RPTOR: variants seen among roughly 807,000 people sequenced by gnomAD.
RPTOR encodes regulatory-associated protein of mTOR.
Under a neutral mutation model 169.9 loss-of-function variants are expected in RPTOR, and 21 were observed. The ratio of observed to expected loss-of-function variants is 0.12; its 90% confidence interval spans 0.09 to 0.18. The LOEUF (loss-of-function observed/expected upper bound fraction) is 0.18. Among genes scored for constraint, RPTOR ranks in the 10% least tolerant of loss-of-function variants. The probability of loss-of-function intolerance (pLI) is 1.00; values close to 1 mark genes in which losing one functional copy is unlikely to be tolerated. For synonymous variants in RPTOR, 732 were observed against 753.2 expected, an observed-to-expected ratio of 0.97 and a Z score of 0.46; for missense variants, 1,133 against 1,855.9, an observed-to-expected ratio of 0.61 and a Z score of 7.16.
At chr17:80,775,316 G>C (rs917359216) in intron 6 of RPTOR, among the ~76,000 whole-genome samples, 1 of 151,710 alleles carries the variant, frequency 6.6e-6, no homozygotes, top group Non-Finnish European at 1.5e-5. Context: ...TTGTTATGTT[G>C]CCCAGGATAG....
intron 21 of RPTOR, among the ~76,000 whole-genome samples, chr17:80,919,710 C>G (rs1197220128): frequency 1.3e-5 from 2 of 152,208 alleles, no homozygotes; most frequent in Non-Finnish European, 2.9e-5. Context: ...TGCGCACTGG[C>G]CCAAGAGAGT....
intron 20 of RPTOR, among the ~76,000 whole-genome samples, chr17:80,907,540 G>A (rs537605677): frequency 1.3e-5 from 2 of 152,344 alleles, no homozygotes; most frequent in African/African-American, 4.8e-5. Flanking sequence ...TGGGTCCAGC[G>A]TGGCGTGGAC....
chr17:80,789,335 G>A (rs541302156), intron 6 of RPTOR, among the ~76,000 whole-genome samples: 53 of 152,254 alleles, frequency 3.5e-4, no homozygotes, highest in African/African-American at 1.3e-3. Flanking sequence ...ATAGGACTAG[G>A]CTCTTTTGGC....
intron 3 of RPTOR, 63 bp downstream of exon 3, chr17:80,643,873 CCA>C: frequency 7.7e-7 from 1 of 1,293,970 alleles, no homozygotes; most frequent in Non-Finnish European, 1.1e-6. Flanking sequence ...TCCTTGGTTT[CCA>C]ACACTCTTTG....
At chr17:80,666,677 G>C (rs2065782294) in intron 3 of RPTOR, among the ~76,000 whole-genome samples, 1 of 152,142 alleles carries the variant, frequency 6.6e-6, no homozygotes, top group African/African-American at 2.4e-5. Context: ...AATGTTTATT[G>C]GGATTCCACT....
intron 1 of RPTOR, among the ~76,000 whole-genome samples, chr17:80,611,827 G>GT (rs982648936): frequency 5.3e-5 from 8 of 151,436 alleles, no homozygotes; most frequent in Non-Finnish European, 1.2e-4. Context: ...AAATGCAGAG[G>GT]TTTTTCCCCC....
At chr17:80,725,735 C>T (rs2143179281) in intron 4 of RPTOR, among the ~76,000 whole-genome samples, 1 of 152,316 alleles carries the variant, frequency 6.6e-6, no homozygotes, top group Admixed American at 6.5e-5. Flanking sequence ...GAAATGAGGT[C>T]TGCATCCCGT....
At position 80,857,888 on chromosome 17, in the gene RPTOR, C is replaced by T. The variant is rs145992260; in HGVS notation, c.1497C>T (p.Leu499=). ...PLLVFIWAKI[L]AVDSSCQADL... ...TCGTTTTCATCTGGGCCAAGATCCTCGCAGTGGACAGCGTGAGTATCCCCG... is the reference window on the plus strand; with the variant it reads ...TCGTTTTCATCTGGGCCAAGATCCTTGCAGTGGACAGCGTGAGTATCCCCG... The change falls in exon 13 of 34, where the codon CTC becomes CTT. Residue 499 remains leucine, a synonymous_variant. Coordinates refer to ENST00000306801, the MANE Select transcript of RPTOR (RefSeq NM_020761.3). 143 of 1,613,026 alleles carry T rather than the reference C, an allele frequency of 8.9e-5. No homozygotes were observed. Among genetic ancestry groups the T allele is most frequent in the Admixed American group, 4.5e-4 (27 of 59,996 alleles).
Position 80,707,024 on chromosome 17 carries a change from TTG to T in RPTOR, c.349-813_349-812del. On this transcript the variant is annotated intron_variant, in intron 3 of 33. Coordinates refer to ENST00000306801, the MANE Select transcript of RPTOR (RefSeq NM_020761.3). The surrounding 1 kb of genome is among the most constrained non-coding windows in gnomAD (Gnocchi z 5.0). The stretch of plus-strand genomic sequence containing the variant: ...GCCATGATGTTCCTTTGTTTATTAT[TTG>T]TGTATATCAAGGCTATTGATTGTTC... Among the ~76,000 whole-genome samples, 1 of 152,194 alleles carries T rather than the reference TTG, an allele frequency of 6.6e-6. No homozygotes were observed. Among genetic ancestry groups the T allele is most frequent in the East Asian group, 1.9e-4 (1 of 5,200 alleles).
At chr17:80,788,598 T>G (rs1448320859) in intron 6 of RPTOR, among the ~76,000 whole-genome samples, 3 of 152,228 alleles carry the variant, frequency 2.0e-5, no homozygotes, top group Non-Finnish European at 4.4e-5. Context: ...TGTGATCTAC[T>G]CTTTGTTTCT....
At chr17:80,904,029 G>A (rs980596437) in intron 20 of RPTOR, among the ~76,000 whole-genome samples, 8 of 152,246 alleles carry the variant, frequency 5.3e-5, no homozygotes, top group East Asian at 1.9e-4. Flanking sequence ...TGTTTGTCTC[G>A]TAGGGGTACT....
At chr17:80,685,200 C>CACCTCATTCGGAGTGGCCCCTCA (rs1567856245) in intron 3 of RPTOR, among the ~76,000 whole-genome samples, 1 of 151,560 alleles carries the variant, frequency 6.6e-6, no homozygotes, top group Admixed American at 6.6e-5. Flanking sequence ...TTCAGGGTCG[C>CACCTCATTCGGAGTGGCCCCTCA]TTGTTGCGTT....
At chr17:80,705,118 G>C (rs953560886) in intron 3 of RPTOR, among the ~76,000 whole-genome samples, 1 of 152,244 alleles carries the variant, frequency 6.6e-6, no homozygotes, top group Non-Finnish European at 1.5e-5. Context: ...GTGGCCCTGG[G>C]CTCCCTGTGG....
Position 80,855,466 on chromosome 17 carries a change from G to A in RPTOR, c.1317G>A (p.Val439=), listed in dbSNP as rs2143744450. ...PPEQLPIVLQ[V]LLSQVHRLRA... is the part of the protein sequence containing the mutation. The stretch of plus-strand genomic sequence containing the variant: ...CCATTTTCTTCTTGTTCTTCCAGGT[G>A]CTGTTAAGCCAAGTGCACCGGCTGA... The change falls in exon 12 of 34, where the codon GTG becomes GTA. Residue 439 remains valine (V), a splice_region_variant and synonymous_variant. Coordinates refer to ENST00000306801, the MANE Select transcript of RPTOR (RefSeq NM_020761.3). 6.2e-7 allele frequency: 1 copy of A among 1,612,608 alleles called. No individual in the cohort carries two copies. Among genetic ancestry groups the A allele is most frequent in the South Asian group, 1.1e-5 (1 of 91,044 alleles).
At chr17:80,595,547 C>A (rs538993368) in intron 1 of RPTOR, among the ~76,000 whole-genome samples, 1 of 152,196 alleles carries the variant, frequency 6.6e-6, no homozygotes, top group Non-Finnish European at 1.5e-5. Flanking sequence ...CCTCAACCTC[C>A]TGGGCTCAGG....
At chr17:80,753,266 TG>T (rs1206158057) in intron 5 of RPTOR, among the ~76,000 whole-genome samples, 2 of 152,234 alleles carry the variant, frequency 1.3e-5, no homozygotes, top group African/African-American at 4.8e-5. Context: ...GTGTTGGTGA[TG>T]GAGTTCACAT....
intron 4 of RPTOR, among the ~76,000 whole-genome samples, chr17:80,725,201 G>A (rs2066321025): frequency 6.6e-6 from 1 of 152,196 alleles, no homozygotes; most frequent in Non-Finnish European, 1.5e-5. Context: ...GGCTTCAGTG[G>A]GCTGGGCTCT....
intron 5 of RPTOR, among the ~76,000 whole-genome samples, chr17:80,738,746 T>C (rs763475673): frequency 1.3e-5 from 2 of 152,236 alleles, no homozygotes; most frequent in Non-Finnish European, 2.9e-5. Flanking sequence ...TCACGTTAAA[T>C]TGATGCTCAG....
rs1218273046 is a variant in RPTOR at position 80,820,209 on chromosome 17, G to A, written c.891-1992G>A. ...CCTCTGCATGGCTTTGGTAAGGAGG[G>A]CAGGCAGCGCTCGGTGACAGTCCTG... On this transcript the variant is annotated intron_variant, in intron 7 of 33. Coordinates refer to ENST00000306801, the MANE Select transcript of RPTOR (RefSeq NM_020761.3). The surrounding 1 kb of genome is among the most constrained non-coding windows in gnomAD (Gnocchi z 4.1). Among the ~76,000 whole-genome samples, 2 of 152,224 alleles carry A rather than the reference G, an allele frequency of 1.3e-5. No homozygotes were observed. The highest frequency in any genetic ancestry group is 6.5e-5 in the Admixed American group (1 of 15,284).
Sources: gnomAD v4.1 joint callset for allele counts (sites outside exome capture counted in the v4.1 genomes callset) on GRCh38, gnomAD v4.1.1 for gene constraint, Gnocchi (gnomAD v3.1) non-coding constraint, MANE v1.5 for transcripts, NCBI Gene and HGNC (gene_info 2026-07-23, HGNC 2026-07-21) for gene names.